NRG3: variants seen among roughly 807,000 people sequenced by gnomAD.
NRG3 encodes neuregulin 3, also known as pro-neuregulin-3, membrane-bound isoform.
Under a neutral mutation model 66.9 loss-of-function variants are expected in NRG3, and 31 were observed. The ratio of observed to expected loss-of-function variants is 0.46; its 90% confidence interval spans 0.35 to 0.63. The LOEUF (loss-of-function observed/expected upper bound fraction) is 0.63, where lower values mean the gene tolerates loss of function less well. Among genes scored for constraint, NRG3 ranks in the 20% least tolerant of loss-of-function variants. The pLI, the probability that NRG3 is intolerant of heterozygous loss-of-function variation, is 0.00. For synonymous variants in NRG3, 393 were observed against 359.4 expected (o/e 1.09, Z -1.06); for missense variants, 910 against 878.9 (o/e 1.04, Z -0.45).
intron 2 of NRG3, among the ~76,000 whole-genome samples, chr10:82,512,408 C>A (rs927609964): frequency 1.3e-5 from 2 of 152,014 alleles, no homozygotes; most frequent in African/African-American, 4.8e-5. Flanking sequence ...ACCTCAGCCT[C>A]CCAAGTAGCT....
chr10:82,436,792 T>C (rs1052996068), intron 2 of NRG3, among the ~76,000 whole-genome samples: 3 of 152,328 alleles, frequency 2.0e-5, no homozygotes, highest in Non-Finnish European at 2.9e-5. Context: ...CCTTCGCTTA[T>C]GAAGCTTAGT....
At chr10:82,096,487 A>AACAAAAAACAACAACAACCAC (rs2066354714) in intron 1 of NRG3, among the ~76,000 whole-genome samples, 1 of 151,966 alleles carries the variant, frequency 6.6e-6, no homozygotes, top group Non-Finnish European at 1.5e-5. Flanking sequence ...CGAACAAACA[A>AACAAAAAACAACAACAACCAC]AAAAAAAACA....
At position 82,240,855 on chromosome 10, in the gene NRG3, G is replaced by A. The variant is rs180838011; in HGVS notation, c.824-117884G>A. Among the ~76,000 whole-genome samples the A allele has an allele frequency of 2.7e-3, 406 of 152,140 alleles. 2 individuals are homozygous for A. Among genetic ancestry groups the A allele is most frequent in the African/African-American group, 9.2e-3 (380 of 41,528 alleles). On this transcript the variant is annotated intron_variant, in intron 1 of 8. Coordinates refer to ENST00000372141, the MANE Select transcript of NRG3 (RefSeq NM_001010848.4). ...ATTTGCTCAGTGCTCCAATTTTGTG[G>A]AGGTCATTTTATTTTTGACGTTATG...
intron 2 of NRG3, among the ~76,000 whole-genome samples, chr10:82,412,427 T>C (rs1459334812): frequency 6.6e-6 from 1 of 152,092 alleles, no homozygotes; most frequent in Non-Finnish European, 1.5e-5. Context: ...AAAATGTACA[T>C]ATCCTAATTA....
chr10:81,919,942 C>A (rs2132856137), intron 1 of NRG3, among the ~76,000 whole-genome samples: 1 of 152,258 alleles, frequency 6.6e-6, no homozygotes, highest in South Asian at 2.1e-4. Context: ...TGATTTTGTT[C>A]TTCCCCGCTA....
chr10:82,552,623 G>A (rs1248235444), intron 2 of NRG3, among the ~76,000 whole-genome samples: 1 of 152,080 alleles, frequency 6.6e-6, no homozygotes. Flanking sequence ...AGCTAGATGA[G>A]ATAAAACTGC....
At chr10:82,104,735 A>G (rs2066957468) in intron 1 of NRG3, among the ~76,000 whole-genome samples, 1 of 152,174 alleles carries the variant, frequency 6.6e-6, no homozygotes, top group African/African-American at 2.4e-5. Flanking sequence ...TTTAAAAAAT[A>G]TGTGTATCAA....
At chr10:82,102,888 T>A (rs2066842152) in intron 1 of NRG3, among the ~76,000 whole-genome samples, 1 of 152,116 alleles carries the variant, frequency 6.6e-6, no homozygotes, top group South Asian at 2.1e-4. Context: ...CACATTAAAA[T>A]CAGAGAAAAA....
At chr10:82,590,095 G>A (rs140442047) in intron 2 of NRG3, among the ~76,000 whole-genome samples, 1 of 152,160 alleles carries the variant, frequency 6.6e-6, no homozygotes, top group Non-Finnish European at 1.5e-5. Flanking sequence ...GAGTCTTGCT[G>A]TATCTACCAT....
chr10:82,504,853 T>C (rs867430015), intron 2 of NRG3, among the ~76,000 whole-genome samples: 9 of 152,016 alleles, frequency 5.9e-5, no homozygotes, highest in African/African-American at 2.2e-4. Context: ...TACCCCTCTA[T>C]ACATCACACT....
At chr10:82,526,197 T>C (rs1300186695) in intron 2 of NRG3, among the ~76,000 whole-genome samples, 2 of 151,754 alleles carry the variant, frequency 1.3e-5, no homozygotes, top group Non-Finnish European at 3.0e-5. Context: ...TATAAATAGG[T>C]AAATTAACTT....
intron 1 of NRG3, among the ~76,000 whole-genome samples, chr10:82,190,252 T>A (rs2074059608): frequency 6.6e-6 from 1 of 152,122 alleles, no homozygotes; most frequent in Non-Finnish European, 1.5e-5. Flanking sequence ...ATATTAATGA[T>A]TATGTTCATA....
intron 1 of NRG3, among the ~76,000 whole-genome samples, chr10:82,261,683 G>A (rs1182274606): frequency 2.6e-5 from 4 of 152,184 alleles, no homozygotes; most frequent in African/African-American, 9.7e-5. Context: ...TGGGAAACAG[G>A]GATGGGCTGA....
chr10:82,141,878 C>T (rs2069810950), intron 1 of NRG3, among the ~76,000 whole-genome samples: 1 of 152,148 alleles, frequency 6.6e-6, no homozygotes, highest in African/African-American at 2.4e-5. Context: ...ACGCATTTCA[C>T]CTGTCCTTTA....
intron 1 of NRG3, among the ~76,000 whole-genome samples, chr10:81,931,838 A>C (rs1323867450): frequency 6.6e-6 from 1 of 152,182 alleles, no homozygotes; most frequent in Non-Finnish European, 1.5e-5. Flanking sequence ...TTAAGAAACC[A>C]GGCAGAAAGC....
At chr10:82,444,021 G>A (rs1352042971) in intron 2 of NRG3, among the ~76,000 whole-genome samples, 1 of 152,166 alleles carries the variant, frequency 6.6e-6, no homozygotes, top group East Asian at 1.9e-4. Context: ...AATGAAAGAA[G>A]AAATGATAAG....
intron 2 of NRG3, among the ~76,000 whole-genome samples, chr10:82,408,392 A>G (rs753624853): frequency 2.0e-5 from 3 of 152,082 alleles, no homozygotes; most frequent in Non-Finnish European, 4.4e-5. Context: ...CAAGGAGTTC[A>G]TGATTCAATT....
At chr10:82,650,041 T>A (rs1265432592) in intron 2 of NRG3, among the ~76,000 whole-genome samples, 1 of 152,148 alleles carries the variant, frequency 6.6e-6, no homozygotes, top group Non-Finnish European at 1.5e-5. Flanking sequence ...ATTGACCCTG[T>A]TCAGTCAATC....
At chr10:82,303,589 G>T (rs1194395719) in intron 1 of NRG3, among the ~76,000 whole-genome samples, 1 of 152,174 alleles carries the variant, frequency 6.6e-6, no homozygotes, top group Non-Finnish European at 1.5e-5. Context: ...GGGTAAATGT[G>T]CTGGGCACGG....
Sources: gnomAD v4.1 joint callset for allele counts (sites outside exome capture counted in the v4.1 genomes callset) on GRCh38, gnomAD v4.1.1 for gene constraint, MANE v1.5 for transcripts, NCBI Gene and HGNC (gene_info 2026-07-23, HGNC 2026-07-21) for gene names.